TMCC2: variants seen among roughly 807,000 people sequenced by gnomAD.
TMCC2 encodes transmembrane and coiled-coil domain family 2.
In TMCC2, 16 loss-of-function variants were observed where a neutral mutation model predicts 49.4. The ratio of observed to expected loss-of-function variants is 0.32; its 90% confidence interval spans 0.22 to 0.49. TMCC2 has a LOEUF of 0.49. Among genes scored for constraint, TMCC2 ranks in the 20% least tolerant of loss-of-function variants. The pLI is 0.99. For missense variants in TMCC2, 762 were observed against 989.8 expected (o/e 0.77, Z 3.09); for synonymous variants, 397 against 434.1 (o/e 0.91, Z 1.06).
intron 2 of TMCC2, among the ~76,000 whole-genome samples, chr1:205,246,309 G>A (rs942577332): frequency 3.0e-5 from 4 of 132,948 alleles, no homozygotes; most frequent in African/African-American, 8.2e-5. Flanking sequence ...AGGTGGGGGC[G>A]GGGGGTGGGG....
intron 2 of TMCC2, among the ~76,000 whole-genome samples, chr1:205,247,824 G>A (rs1660512285): frequency 6.6e-6 from 1 of 152,218 alleles, no homozygotes; most frequent in African/African-American, 2.4e-5. Context: ...AGCCCTGGCA[G>A]GGTTGAGTCC....
chr1:205,231,839 G>C (rs911661248), intron 1 of TMCC2, among the ~76,000 whole-genome samples: 13 of 152,128 alleles, frequency 8.5e-5, no homozygotes. Flanking sequence ...TTGGAGATGA[G>C]AACTTTTGGT....
At chr1:205,252,745 G>C (rs1660714872) in intron 2 of TMCC2, among the ~76,000 whole-genome samples, 1 of 151,620 alleles carries the variant, frequency 6.6e-6, no homozygotes, top group Non-Finnish European at 1.5e-5. Context: ...TTTTTAGCGT[G>C]GTTCTTTGCT....
intron 3 of TMCC2, 61 bp from the exon 4 acceptor site, chr1:205,271,059 T>G: frequency 6.3e-7 from 1 of 1,595,302 alleles, no homozygotes. Flanking sequence ...ATGAATCAAC[T>G]GTGGGAGAGA....
intron 2 of TMCC2, among the ~76,000 whole-genome samples, chr1:205,266,508 A>G (rs990758244): frequency 6.6e-6 from 1 of 150,680 alleles, no homozygotes; most frequent in Admixed American, 6.6e-5. Flanking sequence ...CAGGAGAATC[A>G]CTTGAACCCA....
chr1:205,232,569 T>C (rs937992145), intron 1 of TMCC2, among the ~76,000 whole-genome samples: 2 of 152,014 alleles, frequency 1.3e-5, no homozygotes, highest in South Asian at 2.1e-4. Flanking sequence ...CCCAGTTCCA[T>C]TGCATATGGG....
rs1177964050 is a variant in TMCC2 at position 205,229,211 on chromosome 1, C to T, written c.207+440C>T. On this transcript the variant is annotated intron_variant, in intron 1 of 4. Coordinates refer to ENST00000358024, the MANE Select transcript of TMCC2 (RefSeq NM_014858.4). ...TGTGTGTGTGTGTATGTGTGTGAGA[C>T]GGAGTCTCGTTCTGTCGCCCAGGCT... is the stretch of plus-strand genomic sequence containing the variant. The T allele has an allele frequency of 6.9e-6, 6 of 863,554 alleles. No individual in the cohort carries two copies. The Admixed American group carries it at 3.2e-4, about 45-fold the overall frequency. The allele number at this position is 863,554 out of a possible 1,614,324, so 53.5% of individuals were successfully genotyped here. A position where few individuals can be genotyped will look rare whatever the true frequency, so the allele number is the denominator to read the frequency against.
Position 205,271,346 on chromosome 1 carries a change from T to C in TMCC2, c.1818+91T>C, listed in dbSNP as rs774743722. On this transcript the variant is annotated intron_variant, in intron 4 of 4. Transcript: ENST00000358024. ...AGGGTTCTTGTCACGTGGGGCATGA[T>C]AGACACAGGCTGGCCTGTTGGCCGG... The C allele has an allele frequency of 5.0e-6, 8 of 1,602,486 alleles. No individual in the cohort carries two copies. The Admixed American group carries it at 1.2e-4, about 23-fold the overall frequency.
rs151047194 is a variant in TMCC2 at position 205,241,292 on chromosome 1, C to T, written c.208-213C>T. 1.1e-4 allele frequency among the ~76,000 whole-genome samples: 16 copies of T among 152,326 alleles called. No homozygotes were observed. The highest frequency in any genetic ancestry group is 3.6e-4 in the African/African-American group (15 of 41,574). ...TCCCGTGGAAAACCGTGGGGGCACA[C>T]TTCTTTCGGAATGAAAGGATGGGTC... is the stretch of plus-strand genomic sequence containing the variant. On this transcript the variant is annotated intron_variant, in intron 1 of 4. Transcript: ENST00000358024. This position sits in a 1 kb window ranked among gnomAD's most constrained non-coding sequence, Gnocchi z 7.3.
rs375487020 is a variant in TMCC2, at chr1:205,269,102, C to G, written c.900C>G (p.Thr300=). 1.2e-6 allele frequency: 2 copies of G among 1,613,998 alleles called. No homozygotes were observed. The highest frequency in any genetic ancestry group is 1.3e-5 in the African/African-American group (1 of 75,038). ...DHLHQKILKI[T]EQIKIEQEAR... Reference sequence around the variant, plus strand: ...TGCACCAGAAGATCCTGAAGATCACCGAGCAGATCAAGATTGAGCAGGAGG... The same window carrying G: ...TGCACCAGAAGATCCTGAAGATCACGGAGCAGATCAAGATTGAGCAGGAGG... The change falls in exon 3 of 5, where the codon ACC becomes ACG. Residue 300 remains threonine, a synonymous_variant. Coordinates refer to ENST00000358024, the MANE Select transcript of TMCC2 (RefSeq NM_014858.4).
chr1:205,272,067 C>T lies in TMCC2; in HGVS notation c.2073C>T (p.Leu691=), dbSNP rs1347638596. 6.2e-7 allele frequency: 1 copy of T among 1,614,202 alleles called. No individual in the cohort carries two copies. Among genetic ancestry groups the T allele is most frequent in the Admixed American group, 1.7e-5 (1 of 60,028 alleles). ...TCCTGGTCCTCGTCCTGTTCCTCCTCTGGAAGCACTGGGACTCCCTCACCT... is the reference window on the plus strand; with the variant it reads ...TCCTGGTCCTCGTCCTGTTCCTCCTTTGGAAGCACTGGGACTCCCTCACCT... ...TTLLVLVLFL[L]WKHWDSLTYL... is the part of the protein sequence containing the mutation. The change falls in exon 5 of 5, where the codon CTC becomes CTT. Residue 691 remains leucine (L), a synonymous_variant. Transcript: ENST00000358024.
intron 1 of TMCC2, among the ~76,000 whole-genome samples, chr1:205,240,226 C>A (rs1221699626): frequency 6.6e-6 from 1 of 152,254 alleles, no homozygotes; most frequent in Non-Finnish European, 1.5e-5. Context: ...GATAAGCCGT[C>A]CCCTGACAGA....
intron 2 of TMCC2, among the ~76,000 whole-genome samples, chr1:205,265,259 TCTC>T (rs550742510): frequency 1.2e-4 from 19 of 152,284 alleles, no homozygotes; most frequent in Admixed American, 9.1e-4. Context: ...GAGTGTTTCT[TCTC>T]CTCTCATTAA....
chr1:205,253,578 G>T (rs1157073071), intron 2 of TMCC2, among the ~76,000 whole-genome samples: 1 of 152,256 alleles, frequency 6.6e-6, no homozygotes, highest in Non-Finnish European at 1.5e-5. Flanking sequence ...GGCCAGAGAG[G>T]AGGCGCCCCA....
At position 205,257,450 on chromosome 1, in the gene TMCC2, G is replaced by A. The variant is rs146321199; in HGVS notation, c.748-11500G>A. On this transcript the variant is annotated intron_variant, in intron 2 of 4. Coordinates refer to ENST00000358024, the MANE Select transcript of TMCC2 (RefSeq NM_014858.4). Reference sequence around the variant, plus strand: ...TGGGAAAAGGCCTGTTCTGCAGTTAGTCAGGTGGGCTGTGCTTACACTCCA... The same window carrying A: ...TGGGAAAAGGCCTGTTCTGCAGTTAATCAGGTGGGCTGTGCTTACACTCCA... 4.6e-4 allele frequency: 551 copies of A among 1,203,916 alleles called. 4 individuals are homozygous for A. The Admixed American group carries it at 0.011, about 25-fold the overall frequency. 74.6% of individuals were successfully genotyped at this position (1,203,916 alleles called of 1,614,324 possible). A position where few individuals can be genotyped will look rare whatever the true frequency, so the allele number is the denominator to read the frequency against.
rs774336922 is a variant in TMCC2, at chr1:205,269,328, G to A, written c.1126G>A (p.Val376Met). 2.2e-5 allele frequency: 36 copies of A among 1,613,164 alleles called. No individual in the cohort carries two copies. The highest frequency in any genetic ancestry group is 2.6e-5 in the Non-Finnish European group (31 of 1,179,900). Residue 376 changes from valine to methionine, a missense_variant, in exon 3 of 5, where the codon GTG becomes ATG. Physicochemically the swap from Val to Met is conservative, Grantham distance 21 (BLOSUM62 1). Coordinates refer to ENST00000358024, the MANE Select transcript of TMCC2 (RefSeq NM_014858.4). ...CGGGCCCTCGCGGCAGCCCAAGGAC[G>A]TGCTGCGGGACATGCAGCAGGGGCT... ...QNGPSRQPKD[V>M]LRDMQQGLKD...
chr1:205,232,780 C>T (rs1053574447), intron 1 of TMCC2, among the ~76,000 whole-genome samples: 3 of 151,486 alleles, frequency 2.0e-5, no homozygotes, highest in African/African-American at 7.3e-5. Flanking sequence ...ACTAAAAATA[C>T]AAAAATTAGC....
intron 2 of TMCC2, among the ~76,000 whole-genome samples, chr1:205,258,403 A>G (rs1028583265): frequency 2.6e-4 from 40 of 152,094 alleles, no homozygotes; most frequent in African/African-American, 8.0e-4. Context: ...ATACTGCCCC[A>G]CATGTGTCCC....
intron 4 of TMCC2, 77 bp downstream of exon 4, chr1:205,271,332 C>T (rs760621865): frequency 1.2e-6 from 2 of 1,608,998 alleles, no homozygotes; most frequent in Non-Finnish European, 1.7e-6. Flanking sequence ...GGGTTCTTGT[C>T]ACGTGGGGCA....
Sources: allele counts gnomAD v4.1 joint callset (sites outside exome capture counted in the v4.1 genomes callset), GRCh38; gene constraint gnomAD v4.1.1; non-coding constraint Gnocchi (gnomAD v3.1); transcripts MANE v1.5; gene names NCBI Gene and HGNC (gene_info 2026-07-23, HGNC 2026-07-21).